Variants in PLCG2 observed in about 807,000 individuals in gnomAD.
PLCG2 encodes 1-phosphatidylinositol 4,5-bisphosphate phosphodiesterase gamma-2.
In PLCG2, 69 loss-of-function variants were observed where a neutral mutation model predicts 175.6. The ratio of observed to expected loss-of-function variants is 0.39; its 90% CI spans 0.32 to 0.48. PLCG2 has a LOEUF of 0.48. Ranked by LOEUF, PLCG2 falls within the 20% of genes least tolerant of loss-of-function variation. The probability of loss-of-function intolerance (pLI) is 0.91; values close to 1 mark genes in which losing one functional copy is unlikely to be tolerated. For missense variants in PLCG2, 1,798 were observed against 1,650.9 expected (o/e 1.09, Z -1.54); for synonymous variants, 827 against 624.0 (o/e 1.33, Z -4.85).
Position 81,893,724 on chromosome 16 carries a change from C to G in PLCG2, c.1002C>G (p.Asp334Glu). The change falls in exon 12 of 33, where the codon GAC (aspartate) becomes GAG (glutamate). Residue 334 changes from aspartate to glutamate, a missense_variant. Asp to Glu is a conservative substitution (Grantham distance 45, BLOSUM62 2). Coordinates refer to ENST00000564138, the MANE Select transcript of PLCG2 (RefSeq NM_002661.5). The part of the protein sequence containing the change: ...SSSHNTYLTG[D>E]QLRSESSPEA... The stretch of plus-strand genomic sequence containing the variant: ...TCTCCTGCAGGTACCTTACAGGTGA[C>G]CAGCTGCGGAGCGAGTCGTCCCCAG... 6.2e-7 allele frequency: 1 copy of G among 1,611,550 alleles called. No individual in the cohort carries two copies. The highest frequency in any genetic ancestry group is 8.5e-7 in the Non-Finnish European group (1 of 1,178,730).
At chr16:81,793,071 G>A (rs1383627528) in intron 2 of PLCG2, among the ~76,000 whole-genome samples, 1 of 152,128 alleles carries the variant, frequency 6.6e-6, no homozygotes, top group African/African-American at 2.4e-5. Context: ...AAGAAAAAAG[G>A]CCCCCTGGTG....
chr16:81,874,655 T>TAATC (rs1907678181), intron 7 of PLCG2, among the ~76,000 whole-genome samples: 1 of 152,198 alleles, frequency 6.6e-6, no homozygotes. Flanking sequence ...TGGTGACTTA[T>TAATC]AATCCCCAGA....
intron 22 of PLCG2, among the ~76,000 whole-genome samples, chr16:81,925,659 G>C (rs111639914): frequency 1.3e-5 from 2 of 152,126 alleles, no homozygotes; most frequent in African/African-American, 4.8e-5. Context: ...AGGCCGAGGC[G>C]GGTGGCTCAC....
intron 19 of PLCG2, among the ~76,000 whole-genome samples, chr16:81,915,515 A>T (rs904472164): frequency 6.6e-6 from 1 of 152,138 alleles, no homozygotes; most frequent in Non-Finnish European, 1.5e-5. Flanking sequence ...ACCTGTTCCC[A>T]TCTCCCCTTC....
intron 5 of PLCG2, 110 bp from the exon 6 acceptor site, chr16:81,869,104 A>G: frequency 1.3e-6 from 1 of 751,172 alleles, no homozygotes. Context: ...ATAACTGTTG[A>G]CCAGGCTCTC....
At chr16:81,762,006 AT>A (rs1437783780) in intron 2 of PLCG2, among the ~76,000 whole-genome samples, 6 of 151,334 alleles carry the variant, frequency 4.0e-5, no homozygotes, top group African/African-American at 1.5e-4. Flanking sequence ...TACTTTTTGT[AT>A]TTTTTAGTAG....
chr16:81,759,227 C>T (rs1909990311), intron 2 of PLCG2, among the ~76,000 whole-genome samples: 1 of 152,014 alleles, frequency 6.6e-6, no homozygotes, highest in Non-Finnish European at 1.5e-5. Flanking sequence ...TGCAAATATT[C>T]TTTCCTATTC....
At chr16:81,776,735 A>G (rs1250500921), upstream of PLCG2, among the ~76,000 whole-genome samples, 1 of 152,102 alleles carries the variant, frequency 6.6e-6, no homozygotes, top group Admixed American at 6.5e-5. Flanking sequence ...TTGTATTTTT[A>G]GTAGAGAGGG....
chr16:81,836,109 C>T (rs553203069), intron 2 of PLCG2, among the ~76,000 whole-genome samples: 1 of 152,286 alleles, frequency 6.6e-6, no homozygotes, highest in East Asian at 1.9e-4. Context: ...CTTTCCAGGG[C>T]CACCAAGGAC....
chr16:81,911,112 A>G (rs1437915313), intron 18 of PLCG2, among the ~76,000 whole-genome samples: 1 of 152,158 alleles, frequency 6.6e-6, no homozygotes, highest in Non-Finnish European at 1.5e-5. Flanking sequence ...ATCTAGTGAA[A>G]TGAGTATCAA....
At chr16:81,886,813 G>A (rs1908390147) in intron 9 of PLCG2, among the ~76,000 whole-genome samples, 1 of 152,178 alleles carries the variant, frequency 6.6e-6, no homozygotes. Context: ...GTGGGGCCGA[G>A]TATAGAGTCA....
chr16:81,941,125 GT>G (rs774057784), intron 30 of PLCG2, among the ~76,000 whole-genome samples: 2 of 152,124 alleles, frequency 1.3e-5, no homozygotes, highest in Non-Finnish European at 2.9e-5. Context: ...GATCTTTTTT[GT>G]TTTCAGACAT....
intron 1 of PLCG2, among the ~76,000 whole-genome samples, chr16:81,784,924 A>G (rs1262185587): frequency 6.6e-6 from 1 of 152,046 alleles, no homozygotes; most frequent in African/African-American, 2.4e-5. Context: ...GAATGAGGGA[A>G]TGGTACAGAG....
At position 81,958,094 on chromosome 16, in the gene PLCG2, C is replaced by T; in HGVS notation, c.*96C>T. 1.2e-6 allele frequency: 1 copy of T among 846,732 alleles called. No homozygotes were observed. The highest frequency in any genetic ancestry group is 1.4e-5 in the South Asian group (1 of 71,004). 52.5% of individuals were successfully genotyped at this position (846,732 alleles called of 1,614,324 possible). On this transcript the variant is annotated 3_prime_UTR_variant, in exon 33 of 33. Transcript: ENST00000564138. ...ATTCACACTCTGGGAAGACGCTAAT[C>T]TGTGACATCTTTTCTTCAAGCCTGC...
At chr16:81,796,051 CA>C (rs1279428261) in intron 2 of PLCG2, among the ~76,000 whole-genome samples, 1 of 152,192 alleles carries the variant, frequency 6.6e-6, no homozygotes, top group Non-Finnish European at 1.5e-5. Context: ...GGCTGATAAG[CA>C]GGTTGATGGT....
intron 25 of PLCG2, 26 bp downstream of exon 25, chr16:81,931,680 G>C (rs1398188896): frequency 1.2e-6 from 2 of 1,606,556 alleles, no homozygotes; most frequent in Non-Finnish European, 1.7e-6. Flanking sequence ...CCCGGGTGCA[G>C]GTGGGCCTGG....
intron 1 of PLCG2, among the ~76,000 whole-genome samples, chr16:81,785,328 C>T (rs1025064154): frequency 6.6e-6 from 1 of 152,076 alleles, no homozygotes; most frequent in African/African-American, 2.4e-5. Context: ...AGAGGTCAAG[C>T]AGTCTACCCA....
chr16:81,764,951 T>C (rs1256021768), intron 2 of PLCG2, among the ~76,000 whole-genome samples: 1 of 151,536 alleles, frequency 6.6e-6, no homozygotes, highest in Non-Finnish European at 1.5e-5. Context: ...TAGCCGGGCA[T>C]AGTAGTGTGC....
chr16:81,948,803 G>A (rs1417076349), intron 31 of PLCG2, among the ~76,000 whole-genome samples: 2 of 152,118 alleles, frequency 1.3e-5, no homozygotes, highest in African/African-American at 4.8e-5. Context: ...CATGACCCAA[G>A]AGTGTGACAT....
Sources: gnomAD v4.1 joint callset for allele counts (sites outside exome capture counted in the v4.1 genomes callset) on GRCh38, gnomAD v4.1.1 for gene constraint, MANE v1.5 for transcripts, NCBI Gene and HGNC (gene_info 2026-07-23, HGNC 2026-07-21) for gene names.